The following TANC2 variants were observed in gnomAD, a reference collection of about 807,000 sequenced individuals.
The protein encoded by TANC2 is protein TANC2.
TANC2 carries 26 observed loss-of-function variants against 210.5 expected under a neutral mutation model. The observed-to-expected ratio is 0.12, with a 90% CI of 0.09 to 0.17. The LOEUF is 0.17. Ranked by LOEUF, TANC2 falls within the 10% of genes least tolerant of loss-of-function variation. The pLI is 1.00. For missense variants in TANC2, 2,129 were observed against 2,608.9 expected, an observed-to-expected ratio of 0.82 and a Z score of 4.01; for synonymous variants, 931 against 967.1, an observed-to-expected ratio of 0.96 and a Z score of 0.69.
At chr17:63,311,982 G>A (rs1293796004) in intron 9 of TANC2, among the ~76,000 whole-genome samples, 3 of 152,140 alleles carry the variant, frequency 2.0e-5, no homozygotes, top group Non-Finnish European at 2.9e-5. Flanking sequence ...TTTCTTTGGG[G>A]GTGATGAAGG....
At chr17:62,981,913 C>G (rs1210147582) in intron 1 of TANC2, among the ~76,000 whole-genome samples, 4 of 152,188 alleles carry the variant, frequency 2.6e-5, no homozygotes, top group African/African-American at 9.7e-5. Context: ...AAATGTGAAG[C>G]TTCTGATGTC....
At chr17:63,262,176 A>G (rs952229200) in intron 8 of TANC2, among the ~76,000 whole-genome samples, 1 of 152,188 alleles carries the variant, frequency 6.6e-6, no homozygotes. Context: ...GTAGCTAGTT[A>G]TGAAACTGAG....
chr17:63,308,851 T>TA (rs2045016691), intron 9 of TANC2, among the ~76,000 whole-genome samples: 1 of 152,104 alleles, frequency 6.6e-6, no homozygotes, highest in African/African-American at 2.4e-5. Flanking sequence ...TGCAGCTTTT[T>TA]AAAAAATAGC....
chr17:63,277,636 T>C (rs1033712786), intron 9 of TANC2, among the ~76,000 whole-genome samples: 3 of 151,702 alleles, frequency 2.0e-5, no homozygotes, highest in Admixed American at 6.6e-5. Context: ...AATTAACTCA[T>C]TGATACTTAA....
intron 5 of TANC2, among the ~76,000 whole-genome samples, chr17:63,165,404 C>T (rs747317975): frequency 2.6e-5 from 4 of 152,180 alleles, no homozygotes; most frequent in Non-Finnish European, 4.4e-5. Context: ...ATTCCATTGC[C>T]TGGAAGCATG....
intron 1 of TANC2, among the ~76,000 whole-genome samples, chr17:63,005,564 C>T (rs576055687): frequency 6.6e-6 from 1 of 150,724 alleles, no homozygotes; most frequent in Non-Finnish European, 1.5e-5. Context: ...AGTAAGTATT[C>T]AACTTTTCAA....
At chr17:63,017,151 A>G (rs2034145156) in intron 2 of TANC2, among the ~76,000 whole-genome samples, 1 of 152,132 alleles carries the variant, frequency 6.6e-6, no homozygotes, top group African/African-American at 2.4e-5. Flanking sequence ...GCATGTGGAA[A>G]TCTAATTTCC....
exon 28 of TANC2, chr17:63,423,216 G>A (rs997414289): frequency 3.3e-5 from 5 of 152,084 alleles, no homozygotes; most frequent in Admixed American, 6.5e-5. Flanking sequence ...AAAGTCAGAC[G>A]CAGCAAAAAC....
intron 9 of TANC2, among the ~76,000 whole-genome samples, chr17:63,296,055 A>G (rs780986256): frequency 6.6e-6 from 1 of 152,162 alleles, no homozygotes; most frequent in African/African-American, 2.4e-5. Flanking sequence ...GGGCTCTCAG[A>G]TGCCCAAGAA....
intron 5 of TANC2, among the ~76,000 whole-genome samples, chr17:63,163,870 A>G (rs2040112454): frequency 1.3e-5 from 2 of 152,242 alleles, no homozygotes; most frequent in Admixed American, 1.3e-4. Flanking sequence ...GTAACTGGGT[A>G]TAGTAATTTT....
At chr17:63,278,304 A>G (rs1260752017) in intron 9 of TANC2, among the ~76,000 whole-genome samples, 1 of 152,188 alleles carries the variant, frequency 6.6e-6, no homozygotes, top group Non-Finnish European at 1.5e-5. Flanking sequence ...ATGTTTAAAA[A>G]TGGACAAAGG....
intron 14 of TANC2, among the ~76,000 whole-genome samples, chr17:63,358,453 G>A (rs2046855349): frequency 6.7e-6 from 1 of 148,222 alleles, no homozygotes; most frequent in South Asian, 2.1e-4. Context: ...TATCACTGAA[G>A]AATCTTTTAG....
At chr17:63,426,484 CA>C (rs1413171450) in exon 28 of TANC2, 2 of 152,198 alleles carry the variant, frequency 1.3e-5, no homozygotes, top group African/African-American at 4.8e-5. Flanking sequence ...TCATACAGAC[CA>C]CTCAAGGGCT....
intron 12 of TANC2, among the ~76,000 whole-genome samples, chr17:63,347,385 T>C (rs2046446947): frequency 6.6e-6 from 1 of 152,174 alleles, no homozygotes; most frequent in Admixed American, 6.5e-5. Context: ...AAGATAGAAA[T>C]GTTCTAAATT....
At chr17:63,425,607 T>C (rs1347073537) in exon 28 of TANC2, 1 of 152,264 alleles carries the variant, frequency 6.6e-6, no homozygotes, top group East Asian at 1.9e-4. Flanking sequence ...GCGCTTGTTT[T>C]GTAGCAAAGA....
At chr17:63,363,417 C>T (rs1194753292) in intron 14 of TANC2, among the ~76,000 whole-genome samples, 1 of 152,160 alleles carries the variant, frequency 6.6e-6, no homozygotes, top group Admixed American at 6.5e-5. Context: ...TGGGGTATTG[C>T]TCCAGAAGTC....
chr17:63,135,417 G>A (rs1366606346), intron 4 of TANC2, among the ~76,000 whole-genome samples: 1 of 152,162 alleles, frequency 6.6e-6, no homozygotes, highest in Non-Finnish European at 1.5e-5. Flanking sequence ...CTTAATAATA[G>A]TGATGCAACT....
intron 3 of TANC2, among the ~76,000 whole-genome samples, chr17:63,086,491 G>A (rs553774625): frequency 1.3e-5 from 2 of 152,052 alleles, no homozygotes; most frequent in Admixed American, 1.3e-4. Flanking sequence ...GCCATTAAAG[G>A]CATTCTTAAT....
Position 63,412,229 on chromosome 17 carries a change from C to A in TANC2, c.3898+99C>A. ...GTATTTGGTGTGAGTGTATATAGTT[C>A]CCCCTCCTCCCTGGCCCAATTATTG... On this transcript the variant is annotated intron_variant, in intron 23 of 27. Coordinates refer to ENST00000689528, the Ensembl canonical transcript of TANC2. The surrounding 1 kb of genome is among the most constrained non-coding windows in gnomAD (Gnocchi z 4.2). The A allele has an allele frequency of 1.3e-6, 2 of 1,502,930 alleles. No homozygotes were observed. The highest frequency in any genetic ancestry group is 1.8e-6 in the Non-Finnish European group (2 of 1,103,762). The allele number at this position is 1,502,930 out of a possible 1,614,324, so 93.1% of individuals were successfully genotyped here.
Sources: gnomAD v4.1 joint callset for allele counts (sites outside exome capture counted in the v4.1 genomes callset) on GRCh38, gnomAD v4.1.1 for gene constraint, Gnocchi (gnomAD v3.1) non-coding constraint, MANE v1.5 for transcripts, NCBI Gene and HGNC (gene_info 2026-07-23, HGNC 2026-07-21) for gene names.